Variants in ABCC1 observed in about 807,000 individuals in gnomAD.
ABCC1 encodes the protein ATP binding cassette subfamily C member 1 (ABCC1 blood group).
Under a neutral mutation model 172.9 loss-of-function variants are expected in ABCC1, and 83 were observed. That is an observed-to-expected ratio of 0.48 (90% CI 0.40 to 0.58). The LOEUF is 0.58. Among genes scored for constraint, ABCC1 ranks in the 20% least tolerant of loss-of-function variants. The probability of loss-of-function intolerance (pLI) is 0.00; values close to 1 mark genes in which losing one functional copy is unlikely to be tolerated. For synonymous variants in ABCC1, 937 were observed against 825.2 expected (o/e 1.14, Z -2.32); for missense variants, 1,817 against 2,002.7 (o/e 0.91, Z 1.77).
At chr16:16,137,773 A>G (rs1298434435) in intron 29 of ABCC1, among the ~76,000 whole-genome samples, 1 of 151,792 alleles carries the variant, frequency 6.6e-6, no homozygotes, top group African/African-American at 2.4e-5. Context: ...GGCTAGTCTC[A>G]AACTCCTGGC....
intron 19 of ABCC1, among the ~76,000 whole-genome samples, chr16:16,095,821 G>A (rs894529038): frequency 9.9e-5 from 15 of 151,922 alleles, no homozygotes; most frequent in African/African-American, 3.1e-4. Flanking sequence ...CATGAGTCGC[G>A]GCACCTGGCC....
intron 14 of ABCC1, chr16:16,076,110 C>T (rs1470975872): frequency 5.4e-6 from 3 of 553,398 alleles, no homozygotes; most frequent in Non-Finnish European, 9.4e-6. Context: ...AAGCTGCTTG[C>T]AGTTTCCTTC....
chr16:16,123,189 G>A (rs1346943647), intron 24 of ABCC1, among the ~76,000 whole-genome samples: 3 of 152,172 alleles, frequency 2.0e-5, no homozygotes, highest in Non-Finnish European at 2.9e-5. Flanking sequence ...CAATCTGGCT[G>A]TGTCTGTCGG....
chr16:16,134,259 C>T, intron 27 of ABCC1, 91 bp from the exon 28 acceptor site: 4 of 1,516,404 alleles, frequency 2.6e-6, no homozygotes, highest in Admixed American at 3.4e-5. Context: ...ATGACTGATG[C>T]CTGAGGTGGG....
chr16:16,136,743 T>A (rs761548559), intron 29 of ABCC1, 99 bp downstream of exon 29: 82 of 1,368,776 alleles, frequency 6.0e-5, no homozygotes, highest in Non-Finnish European at 7.7e-5. Flanking sequence ...TCACCTGGAT[T>A]TGAGTCCCAG....
chr16:15,972,787 C>CTTTTTTTT (rs35086205), intron 1 of ABCC1, among the ~76,000 whole-genome samples: 4 of 89,336 alleles, frequency 4.5e-5, no homozygotes, highest in East Asian at 7.1e-4. Flanking sequence ...TATTTTTTAA[C>CTTTTTTTT]TTTTTTTTTT....
At chr16:15,999,769 T>TCTCTCTCTCTC (rs2047186174) in intron 1 of ABCC1, among the ~76,000 whole-genome samples, 5 of 25,352 alleles carry the variant, frequency 2.0e-4, no homozygotes, top group South Asian at 2.0e-3. Context: ...CCCGGCCTCT[T>TCTCTCTCTCTC]TCTCTCTCTC....
chr16:16,046,387 C>A (rs537498693), intron 9 of ABCC1, among the ~76,000 whole-genome samples: 5 of 152,054 alleles, frequency 3.3e-5, no homozygotes, highest in Non-Finnish European at 7.4e-5. Flanking sequence ...CTCTCTCCCC[C>A]AGACTGGAGT....
intron 26 of ABCC1, among the ~76,000 whole-genome samples, chr16:16,128,081 C>A (rs565172392): frequency 6.6e-6 from 1 of 151,772 alleles, no homozygotes; most frequent in Admixed American, 6.6e-5. Flanking sequence ...CCACCCCGCC[C>A]AGCTAACTTA....
chr16:16,036,540 C>T lies in ABCC1; in HGVS notation c.746C>T (p.Thr249Met), dbSNP rs762268225. 7.4e-6 allele frequency: 12 copies of T among 1,613,934 alleles called. No homozygotes were observed. Among genetic ancestry groups the T allele is most frequent in the African/African-American group, 2.7e-5 (2 of 74,930 alleles). Residue 249 changes from threonine (T) to methionine (M), a missense_variant, in exon 7 of 31, where the codon ACG (threonine) becomes ATG (methionine). Thr to Met is a moderately conservative substitution (Grantham distance 81). Around this residue, in one of 3 missense-constraint regions of ABCC1, gnomAD observed 398 missense variants for 384.2 expected, o/e 1.04. Coordinates refer to ENST00000399410, the MANE Select transcript of ABCC1 (RefSeq NM_004996.4). ...CTCTGGTCCTTAAACAAGGAGGACA[C>T]GTCGGAACAAGTCGTGCCTGTTTTG... ...SDLWSLNKED[T>M]SEQVVPVLVK...
Position 16,016,565 on chromosome 16 carries a change from G to A in ABCC1, c.559G>A (p.Val187Ile), listed in dbSNP as rs202001877. Residue 187 changes from valine (V) to isoleucine (I), a missense_variant, in exon 5 of 31, where the codon GTC (valine) becomes ATC (isoleucine). By Grantham distance (29) the Val-to-Ile change is conservative (BLOSUM62 3). Coordinates refer to ENST00000399410, the MANE Select transcript of ABCC1 (RefSeq NM_004996.4). ...VYFSLLLIQL[V>I]LSCFSDRSPL... is the part of the protein sequence containing the mutation. ...CTTTTCCCTCTTACTCATTCAGCTCGTCTTGTCCTGTTTCTCAGATCGCTC... is the reference window on the plus strand; with the variant it reads ...CTTTTCCCTCTTACTCATTCAGCTCATCTTGTCCTGTTTCTCAGATCGCTC... 5.0e-6 allele frequency: 8 copies of A among 1,613,992 alleles called. No homozygotes were observed. Among genetic ancestry groups the A allele is most frequent in the South Asian group, 3.3e-5 (3 of 91,066 alleles).
chr16:16,011,086 T>A (rs561376024), intron 3 of ABCC1, among the ~76,000 whole-genome samples: 4 of 151,970 alleles, frequency 2.6e-5, no homozygotes, highest in Admixed American at 1.3e-4. Flanking sequence ...ATAAAAAAAT[T>A]AGCCGGCGTG....
rs781547734 is a variant in ABCC1 at position 16,044,450 on chromosome 16, G to A, written c.810G>A (p.Lys270=). The A allele has an allele frequency of 2.1e-5, 34 of 1,613,522 alleles. No individual in the cohort carries two copies. Among genetic ancestry groups the A allele is most frequent in the Middle Eastern group, 1.7e-4 (1 of 5,960 alleles). Residue 270 remains lysine (K), a splice_region_variant and synonymous_variant, in exon 8 of 31, where the codon AAG becomes AAA. Coordinates refer to ENST00000399410, the MANE Select transcript of ABCC1 (RefSeq NM_004996.4). ...NWKKECAKTR[K]QPVKVVYSSK... Reference sequence around the variant, plus strand: ...ACGGCTTCACCTCCTTGTGTTCCAGGCAGCCGGTGAAGGTTGTGTACTCCT... The same window carrying A: ...ACGGCTTCACCTCCTTGTGTTCCAGACAGCCGGTGAAGGTTGTGTACTCCT...
intron 13 of ABCC1, among the ~76,000 whole-genome samples, chr16:16,071,120 G>C (rs2050329785): frequency 6.6e-6 from 1 of 151,944 alleles, no homozygotes; most frequent in African/African-American, 2.4e-5. Flanking sequence ...GCCTCACTCT[G>C]TCACCCAGGC....
chr16:16,001,520 A>G (rs2047308958), intron 1 of ABCC1, among the ~76,000 whole-genome samples: 1 of 152,162 alleles, frequency 6.6e-6, no homozygotes, highest in Non-Finnish European at 1.5e-5. Context: ...CTTAAAAGCC[A>G]ATAGGGAGCC....
chr16:15,949,701 C>T lies in ABCC1; in HGVS notation c.-51C>T. The T allele has an allele frequency of 9.3e-7, 1 of 1,071,576 alleles. No individual in the cohort carries two copies. 66.4% of individuals were successfully genotyped at this position (1,071,576 alleles called of 1,614,324 possible). A position where few individuals can be genotyped will look rare whatever the true frequency, so the allele number is the denominator to read the frequency against. On this transcript the variant is annotated 5_prime_UTR_variant, in exon 1 of 31. Coordinates refer to ENST00000399410, the MANE Select transcript of ABCC1 (RefSeq NM_004996.4). The stretch of plus-strand genomic sequence containing the variant: ...TGCCCGCCGCCGCCCGCGCCAGCAA[C>T]CGGGCCCGATCACCCGCCGCCCGGT...
intron 20 of ABCC1, among the ~76,000 whole-genome samples, chr16:16,105,831 C>G (rs372789636): frequency 6.7e-6 from 1 of 148,880 alleles, no homozygotes; most frequent in Non-Finnish European, 1.5e-5. Context: ...CTGTGATCAT[C>G]TCTGGGGGTC....
intron 19 of ABCC1, among the ~76,000 whole-genome samples, chr16:16,096,003 A>G (rs1346017933): frequency 2.0e-5 from 3 of 152,030 alleles, no homozygotes; most frequent in African/African-American, 7.2e-5. Flanking sequence ...AAGGTGGCTC[A>G]TATGTGTAAT....
At chr16:16,010,651 G>C (rs7189529) in intron 3 of ABCC1, among the ~76,000 whole-genome samples, 63,278 of 151,666 alleles carry the variant, frequency 0.42, 14,743 homozygotes, top group Non-Finnish European at 0.53. Flanking sequence ...CAGCTGGTGT[G>C]TATTGAGCAC....
Sources: allele counts gnomAD v4.1 joint callset (sites outside exome capture counted in the v4.1 genomes callset), GRCh38; gene constraint gnomAD v4.1.1; regional missense constraint gnomAD v4.1.1; transcripts MANE v1.5; gene names NCBI Gene and HGNC (gene_info 2026-07-23, HGNC 2026-07-21).